TMEM232: variants seen among roughly 807,000 people sequenced by gnomAD.
TMEM232 encodes the protein transmembrane protein 232.
In TMEM232, 80 loss-of-function variants were observed where a neutral mutation model predicts 78.8. That is an observed-to-expected ratio of 1.01 (90% CI 0.85 to 1.22). The LOEUF (loss-of-function observed/expected upper bound fraction) is 1.22, where lower values mean the gene tolerates loss of function less well. TMEM232 is among the 50% of genes most tolerant of loss of function. The pLI is 0.00. For missense variants in TMEM232, 881 were observed against 742.2 expected, an observed-to-expected ratio of 1.19 and a Z score of -2.17; for synonymous variants, 297 against 254.3, an observed-to-expected ratio of 1.17 and a Z score of -1.60.
chr5:110,541,050 A>G (rs577055761), intron 11 of TMEM232, among the ~76,000 whole-genome samples: 1 of 152,288 alleles, frequency 6.6e-6, no homozygotes, highest in African/African-American at 2.4e-5. Context: ...ATACAGGAGC[A>G]AGGGGAACAA....
chr5:110,432,265 A>G (rs998512322), intron 12 of TMEM232, among the ~76,000 whole-genome samples: 1 of 151,768 alleles, frequency 6.6e-6, no homozygotes, highest in African/African-American at 2.4e-5. Context: ...AGAGAAACCC[A>G]TCAGACTAAC....
chr5:110,504,928 A>C (rs1441039782), intron 12 of TMEM232, among the ~76,000 whole-genome samples: 3 of 152,248 alleles, frequency 2.0e-5, no homozygotes, highest in Non-Finnish European at 2.9e-5. Flanking sequence ...TGTCACATAA[A>C]TATGACAGGG....
intron 12 of TMEM232, among the ~76,000 whole-genome samples, chr5:110,515,894 T>C (rs1768555245): frequency 6.6e-6 from 1 of 152,180 alleles, no homozygotes; most frequent in South Asian, 2.1e-4. Flanking sequence ...TCATTCTTAC[T>C]AGCACTACCT....
At chr5:110,568,407 T>C (rs979781286) in intron 11 of TMEM232, 40 bp downstream of exon 11, 42 of 1,476,302 alleles carry the variant, frequency 2.8e-5, no homozygotes, top group Non-Finnish European at 3.8e-5. Flanking sequence ...TGCTTCCTAA[T>C]GATAGATGTA....
At chr5:110,509,357 G>A (rs1419514155) in intron 12 of TMEM232, among the ~76,000 whole-genome samples, 1 of 151,920 alleles carries the variant, frequency 6.6e-6, no homozygotes, top group Non-Finnish European at 1.5e-5. Context: ...GGATCTCATG[G>A]GCCCAGGAGT....
intron 12 of TMEM232, among the ~76,000 whole-genome samples, chr5:110,460,293 G>C (rs189272893): frequency 0.04 from 4,384 of 110,014 alleles, 98 homozygotes; most frequent in Non-Finnish European, 0.05. Context: ...GTATAAGTAA[G>C]TGTGTGTGTG....
chr5:110,714,775 T>C (rs1561557909), intron 1 of TMEM232, among the ~76,000 whole-genome samples: 1 of 152,190 alleles, frequency 6.6e-6, no homozygotes, highest in East Asian at 1.9e-4. Context: ...ATGTTTGAGA[T>C]TTCTGTATTT....
At chr5:110,524,518 T>C (rs913876067) in intron 12 of TMEM232, among the ~76,000 whole-genome samples, 5 of 152,192 alleles carry the variant, frequency 3.3e-5, no homozygotes, top group African/African-American at 1.2e-4. Context: ...ATAAACTTGA[T>C]ATAATTCTAT....
At chr5:110,475,208 A>T (rs1289741635) in intron 12 of TMEM232, among the ~76,000 whole-genome samples, 1 of 151,956 alleles carries the variant, frequency 6.6e-6, no homozygotes, top group Non-Finnish European at 1.5e-5. Flanking sequence ...TTCTTGATTT[A>T]TGACAAAAGT....
chr5:110,526,380 A>G (rs975099650), intron 12 of TMEM232, among the ~76,000 whole-genome samples: 5 of 150,884 alleles, frequency 3.3e-5, no homozygotes, highest in African/African-American at 1.2e-4. Context: ...ACAAAAATCC[A>G]GTAAAAAATG....
At chr5:110,656,837 C>CT (rs1361760728) in intron 2 of TMEM232, among the ~76,000 whole-genome samples, 1 of 144,650 alleles carries the variant, frequency 6.9e-6, no homozygotes, top group East Asian at 2.0e-4. Flanking sequence ...GACTCCATCT[C>CT]TAAAAAAAAA....
At chr5:110,555,126 T>G (rs1325893765) in intron 11 of TMEM232, among the ~76,000 whole-genome samples, 1 of 152,168 alleles carries the variant, frequency 6.6e-6, no homozygotes, top group Non-Finnish European at 1.5e-5. Flanking sequence ...TGAGATCTTT[T>G]AAACATTTTC....
In TMEM232 at chr5:110,391,326, T is replaced by TGTGTGTGTGTGTGAGA. The variant is rs549361387; in HGVS notation, n.391-687_391-686insTCTCACACACACACAC. Among the ~76,000 whole-genome samples the TGTGTGTGTGTGTGAGA allele has an allele frequency of 1.2e-3, 169 of 139,902 alleles. 1 individual carries two copies. Among genetic ancestry groups the TGTGTGTGTGTGTGAGA allele is most frequent in the African/African-American group, 4.7e-3 (159 of 34,014 alleles). The allele number at this position is 139,902 out of a possible 152,430, so 91.8% of individuals were successfully genotyped here. A position where few individuals can be genotyped will look rare whatever the true frequency, so the allele number is the denominator to read the frequency against. On this transcript the variant is annotated intron_variant and non_coding_transcript_variant, in intron 3 of 8. Coordinates refer to the TMEM232 transcript ENST00000507188. ...GTGTGTGTGTGTGTGTGTGTGTGTGTGAGAGAGAGAGAGAGAGAGAGAAAC... is the reference window on the plus strand; with the variant it reads ...GTGTGTGTGTGTGTGTGTGTGTGTGTGTGTGTGTGTGTGAGAGAGAGAGAGAGAGAGAGAGAGAAAC...
intron 12 of TMEM232, among the ~76,000 whole-genome samples, chr5:110,471,383 T>C (rs975466958): frequency 6.6e-6 from 1 of 152,046 alleles, no homozygotes; most frequent in Non-Finnish European, 1.5e-5. Context: ...TGAAGAGATA[T>C]GGAAATCCAG....
chr5:110,410,055 A>G (rs969641481), intron 2 of TMEM232, among the ~76,000 whole-genome samples: 9 of 152,186 alleles, frequency 5.9e-5, no homozygotes, highest in African/African-American at 1.4e-4. Flanking sequence ...CATCATGGGT[A>G]GGGTATGTTG....
intron 4 of TMEM232, 50 bp downstream of exon 4, chr5:110,640,841 G>A (rs1426439611): frequency 7.6e-7 from 1 of 1,312,126 alleles, no homozygotes. Context: ...TGCCTTCACT[G>A]ATGATATAGA....
chr5:110,636,926 C>CATA (rs1216686206), intron 5 of TMEM232, among the ~76,000 whole-genome samples: 2 of 152,018 alleles, frequency 1.3e-5, no homozygotes, highest in East Asian at 3.9e-4. Context: ...ATGCTCCATG[C>CATA]ATAAAACTAT....
intron 12 of TMEM232, among the ~76,000 whole-genome samples, chr5:110,507,401 C>G (rs915407448): frequency 6.6e-6 from 1 of 152,182 alleles, no homozygotes; most frequent in Non-Finnish European, 1.5e-5. Flanking sequence ...TCCACAACTA[C>G]TCTACCTCCA....
At chr5:110,617,694 T>A (rs1580376615) in intron 8 of TMEM232, among the ~76,000 whole-genome samples, 1 of 152,042 alleles carries the variant, frequency 6.6e-6, no homozygotes, top group Non-Finnish European at 1.5e-5. Context: ...AGTGGCTCAC[T>A]CCTGTAATCC....
Sources: gnomAD v4.1 joint callset for allele counts (sites outside exome capture counted in the v4.1 genomes callset) on GRCh38, gnomAD v4.1.1 for gene constraint, MANE v1.5 for transcripts, NCBI Gene and HGNC (gene_info 2026-07-23, HGNC 2026-07-21) for gene names.